HECTD4: variants seen among roughly 807,000 people sequenced by gnomAD.
HECTD4 encodes probable E3 ubiquitin-protein ligase HECTD4.
A neutral mutation model predicts 471.5 loss-of-function variants in HECTD4; 114 were observed. That is an observed-to-expected ratio of 0.24 (90% CI 0.21 to 0.28). The LOEUF is 0.28. Among genes scored for constraint, HECTD4 ranks in the 10% least tolerant of loss-of-function variants. HECTD4 has a pLI of 1.00. For synonymous variants in HECTD4, 2,012 were observed against 2,256.0 expected (o/e 0.89, Z 3.07); for missense variants, 3,866 against 5,651.5 (o/e 0.68, Z 10.13).
intron 6 of HECTD4, among the ~76,000 whole-genome samples, chr12:112,307,464 T>C (rs180929251): frequency 1.3e-5 from 2 of 152,354 alleles, no homozygotes; most frequent in Admixed American, 6.5e-5. Context: ...AACCTGGCAC[T>C]ACTTCAAATG....
chr12:112,242,601 G>A (rs1452797284), intron 32 of HECTD4, among the ~76,000 whole-genome samples: 2 of 145,144 alleles, frequency 1.4e-5, no homozygotes, highest in African/African-American at 5.2e-5. Context: ...GTGACAGAAC[G>A]AGAATCTGCT....
At chr12:112,332,246 C>T (rs1323440203) in intron 1 of HECTD4, among the ~76,000 whole-genome samples, 1 of 151,928 alleles carries the variant, frequency 6.6e-6, no homozygotes, top group Non-Finnish European at 1.5e-5. Flanking sequence ...TATAAAGATT[C>T]CTGGGGCAGG....
chr12:112,380,941 C>T (rs1449289768), intron 1 of HECTD4, among the ~76,000 whole-genome samples: 1 of 152,158 alleles, frequency 6.6e-6, no homozygotes, highest in African/African-American at 2.4e-5. Flanking sequence ...CGTTTATAGC[C>T]AGAAGATAGG....
chr12:112,216,192 C>T (rs903836555), intron 48 of HECTD4, 100 bp downstream of exon 48: 5 of 776,162 alleles, frequency 6.4e-6, no homozygotes, highest in Non-Finnish European at 1.1e-5. Flanking sequence ...TGACAAACTG[C>T]CCATTTCCAA....
At chr12:112,255,690 A>T (rs186030386) in intron 21 of HECTD4, among the ~76,000 whole-genome samples, 1 of 152,174 alleles carries the variant, frequency 6.6e-6, no homozygotes, top group Non-Finnish European at 1.5e-5. Flanking sequence ...CTGTTCTTTC[A>T]TATGTTACAT....
In HECTD4 at chr12:112,256,506, C is replaced by A; in HGVS notation, c.3141G>T (p.Glu1047Asp). ...CAGTGAGAAATCCTGGCTCTTCCTT[C>A]TCTTCTAACATTCTAAACAGAAAAA... The part of the protein sequence containing the change: ...RLFPDERMLE[E>D]KEEPGFLTGL... The change falls in exon 21 of 76, where the codon GAG becomes GAT. Residue 1047 changes from glutamate to aspartate, a missense_variant. Glu to Asp is a conservative substitution (Grantham distance 45). This residue lies in a region of HECTD4 where 525 missense variants were observed against 672.6 expected (regional missense o/e 0.78). Coordinates refer to ENST00000682272, the MANE Select transcript of HECTD4 (RefSeq NM_001388303.1). 6.3e-7 allele frequency: 1 copy of A among 1,587,610 alleles called. No individual in the cohort carries two copies. Among genetic ancestry groups the A allele is most frequent in the Admixed American group, 1.9e-5 (1 of 53,974 alleles).
At position 112,165,349 on chromosome 12, in the gene HECTD4, A is replaced by AT. The variant is rs35375585; in HGVS notation, c.12535-1075dup. The stretch of plus-strand genomic sequence containing the variant: ...ATGCTTTTTGTTTTAAGAGCAACTA[A>AT]TTTTTTTTTTTTTTTTTTTTGAGAT... On this transcript the variant is annotated intron_variant, in intron 72 of 75. Coordinates refer to ENST00000682272, the MANE Select transcript of HECTD4 (RefSeq NM_001388303.1). 0.017 allele frequency among the ~76,000 whole-genome samples: 2,134 copies of AT among 128,462 alleles called. 131 individuals are homozygous for AT. The South Asian group carries it at 0.2, about 12-fold the overall frequency. 84.3% of individuals were successfully genotyped at this position (128,462 alleles called of 152,430 possible). A position where few individuals can be genotyped will look rare whatever the true frequency, so the allele number is the denominator to read the frequency against.
At chr12:112,203,531 G>A in intron 54 of HECTD4, 105 bp downstream of exon 54, 1 of 949,574 alleles carries the variant, frequency 1.1e-6, no homozygotes. Context: ...CTGATTTGAA[G>A]AGAAACTCAT....
chr12:112,337,645 T>C (rs2035982938), intron 1 of HECTD4, among the ~76,000 whole-genome samples: 1 of 152,214 alleles, frequency 6.6e-6, no homozygotes. Context: ...AGTGAAATAA[T>C]AGTTATAATG....
In HECTD4 at chr12:112,355,388, A is replaced by C. The variant is rs1003414355; in HGVS notation, c.177+26564T>G. Among the ~76,000 whole-genome samples the C allele has an allele frequency of 9.8e-5, 14 of 143,330 alleles. No individual in the cohort carries two copies. The South Asian group carries it at 1.4e-3, about 14-fold the overall frequency. 94.0% of individuals were successfully genotyped at this position (143,330 alleles called of 152,430 possible). A position where few individuals can be genotyped will look rare whatever the true frequency, so the allele number is the denominator to read the frequency against. The stretch of plus-strand genomic sequence containing the variant: ...AGGCAGGAGAATGGCTTGAACCCGG[A>C]AGGCGGAGGTTGCAGTAGGCTGATA... On this transcript the variant is annotated intron_variant, in intron 1 of 75. Coordinates refer to ENST00000682272, the MANE Select transcript of HECTD4 (RefSeq NM_001388303.1).
rs2030655225 is a variant in HECTD4 at position 112,160,549 on chromosome 12, T to C, written c.*1838A>G. 1.3e-5 allele frequency: 2 copies of C among 152,228 alleles called. No homozygotes were observed. The highest frequency in any genetic ancestry group is 2.9e-5 in the Non-Finnish European group (2 of 68,048). The allele number at this position is 152,228 out of a possible 1,614,324, so 9.4% of individuals were successfully genotyped here. A position where few individuals can be genotyped will look rare whatever the true frequency, so the allele number is the denominator to read the frequency against. ...GAGAAGCAGCCACGTTAGCAGCAGA[T>C]ACCTTACAGCTTGTCATCTACTCAA... On this transcript the variant is annotated 3_prime_UTR_variant, in exon 76 of 76. Coordinates refer to ENST00000682272, the MANE Select transcript of HECTD4 (RefSeq NM_001388303.1).
chr12:112,230,064 CA>C (rs1463191951), intron 40 of HECTD4, among the ~76,000 whole-genome samples, 184 bp from the exon 41 acceptor site: 1 of 152,162 alleles, frequency 6.6e-6, no homozygotes, highest in Admixed American at 6.5e-5. Context: ...TGTAACTGGA[CA>C]AAATTGGAAA....
At chr12:112,320,327 C>T (rs1209305218) in intron 1 of HECTD4, among the ~76,000 whole-genome samples, 1 of 151,896 alleles carries the variant, frequency 6.6e-6, no homozygotes, top group Non-Finnish European at 1.5e-5. Context: ...GAGCGAGACC[C>T]TGTCTCAAAA....
chr12:112,247,540 T>C lies in HECTD4; in HGVS notation c.4259A>G (p.Lys1420Arg). The change falls in exon 28 of 76, where the codon AAA (lysine) becomes AGA (arginine). Residue 1420 changes from lysine (K) to arginine (R), a missense_variant. Coordinates refer to ENST00000682272, the MANE Select transcript of HECTD4 (RefSeq NM_001388303.1). ...YDYHFNENKM[K>R]ELELLCSMKE... ...CATTGAACATAAAAGTTCTAGTTCT[T>C]TCATTTTGTTCTAAAGAAAAAAAAG... The C allele has an allele frequency of 6.7e-7, 1 of 1,494,224 alleles. No homozygotes were observed. Among genetic ancestry groups the C allele is most frequent in the Non-Finnish European group, 9.0e-7 (1 of 1,110,038 alleles). The allele number at this position is 1,494,224 out of a possible 1,614,324, so 92.6% of individuals were successfully genotyped here. A position where few individuals can be genotyped will look rare whatever the true frequency, so the allele number is the denominator to read the frequency against.
In HECTD4 at chr12:112,319,699, C is replaced by T. The variant is rs187860608; in HGVS notation, c.221G>A (p.Arg74His). ...ETKNPSELAE[R>H]LRSVCGNQSN... ...CTGATTCCCACAAACAGAGCGCAAA[C>T]GTTCTGCTAATTCCGACGGGTTCTT... The change falls in exon 2 of 76, where the codon CGT becomes CAT. Residue 74 changes from arginine (R) to histidine (H), a missense_variant. By Grantham distance (29) the Arg-to-His change is conservative (BLOSUM62 0). Around this residue, in one of 16 missense-constraint regions of HECTD4, gnomAD observed 440 missense variants for 636.0 expected, o/e 0.69. Transcript: ENST00000682272. This position sits in a 1 kb window ranked among gnomAD's most constrained non-coding sequence, Gnocchi z 5.3. 74 of 1,266,226 alleles carry T rather than the reference C, an allele frequency of 5.8e-5. 1 individual carries two copies. In the Admixed American group the frequency reaches 2.5e-3, roughly 43 times the overall value. The allele number at this position is 1,266,226 out of a possible 1,614,324, so 78.4% of individuals were successfully genotyped here.
intron 1 of HECTD4, among the ~76,000 whole-genome samples, chr12:112,328,458 A>C (rs2035789802): frequency 1.3e-5 from 2 of 152,186 alleles, no homozygotes; most frequent in African/African-American, 4.8e-5. Flanking sequence ...TTTTAAGTAA[A>C]GGCAGAATAC....
chr12:112,245,176 T>C (rs2033731758), intron 29 of HECTD4, among the ~76,000 whole-genome samples: 1 of 152,066 alleles, frequency 6.6e-6, no homozygotes, highest in African/African-American at 2.4e-5. Flanking sequence ...CTAATTTTTA[T>C]ATTTTTTTGT....
At position 112,308,774 on chromosome 12, in the gene HECTD4, G is replaced by A; in HGVS notation, c.1143C>T (p.Val381=). The stretch of plus-strand genomic sequence containing the variant: ...TTACCTGAAGGGTGTTCTGGTCAAT[G>A]ACCTGGAAAAGGGAGTGAGGTTTAT... ...FDNKPHSLFQ[V]IDQNTLQVCQ... The change falls in exon 6 of 76, where the codon GTC becomes GTT. Residue 381 remains valine (V), a synonymous_variant. Coordinates refer to ENST00000682272, the MANE Select transcript of HECTD4 (RefSeq NM_001388303.1). 6.5e-7 allele frequency: 1 copy of A among 1,535,874 alleles called. No individual in the cohort carries two copies. The highest frequency in any genetic ancestry group is 8.7e-7 in the Non-Finnish European group (1 of 1,146,810).
intron 7 of HECTD4, among the ~76,000 whole-genome samples, chr12:112,298,893 A>C (rs973533212): frequency 9.9e-5 from 15 of 151,854 alleles, no homozygotes; most frequent in Non-Finnish European, 1.5e-4. Context: ...AAAAAAAAAA[A>C]AAAACACAAA....
Sources: allele counts gnomAD v4.1 joint callset (sites outside exome capture counted in the v4.1 genomes callset), GRCh38; gene constraint gnomAD v4.1.1; regional missense constraint gnomAD v4.1.1; non-coding constraint Gnocchi (gnomAD v3.1); transcripts MANE v1.5; gene names NCBI Gene and HGNC (gene_info 2026-07-23, HGNC 2026-07-21).